YWHAE: variants seen among roughly 807,000 people sequenced by gnomAD.
YWHAE encodes tyrosine 3-monooxygenase/tryptophan 5-monooxygenase activation protein epsilon.
YWHAE carries 4 observed loss-of-function variants against 30.1 expected under a neutral mutation model. The ratio of observed to expected loss-of-function variants is 0.13; its 90% CI spans 0.07 to 0.30. The LOEUF (loss-of-function observed/expected upper bound fraction) is 0.30, where lower values mean the gene tolerates loss of function less well. Ranked by LOEUF, YWHAE falls within the 10% of genes least tolerant of loss-of-function variation. The pLI, the probability that YWHAE is intolerant of heterozygous loss-of-function variation, is 1.00. For synonymous variants in YWHAE, 118 were observed against 111.8 expected, an observed-to-expected ratio of 1.06 and a Z score of -0.35; for missense variants, 121 against 315.9, an observed-to-expected ratio of 0.38 and a Z score of 4.68.
rs1302770026 is a variant in YWHAE, at chr17:1,384,786, A to G, written c.64+15261T>C. On this transcript the variant is annotated intron_variant, in intron 1 of 5. Coordinates refer to ENST00000264335, the MANE Select transcript of YWHAE (RefSeq NM_006761.5). ...AATGGCGCTATCTCGGCTCACTGCA[A>G]CCTCCGCCTCCCGGGTTCAAGAGAT... Among the ~76,000 whole-genome samples the G allele has an allele frequency of 7.9e-5, 12 of 151,716 alleles. No homozygotes were observed. In the East Asian group the frequency reaches 2.4e-3, roughly 30 times the overall value.
At chr17:1,378,019 A>T (rs2073150153) in intron 1 of YWHAE, among the ~76,000 whole-genome samples, 1 of 152,278 alleles carries the variant, frequency 6.6e-6, no homozygotes, top group South Asian at 2.1e-4. Context: ...ACTGCACTCC[A>T]GCCTGGGCAA....
intron 1 of YWHAE, among the ~76,000 whole-genome samples, chr17:1,375,554 T>C (rs2073109117): frequency 6.6e-6 from 1 of 152,226 alleles, no homozygotes; most frequent in Non-Finnish European, 1.5e-5. Flanking sequence ...TTTGCTACAG[T>C]AATTTTGAGT....
rs1206641564 is a variant in YWHAE at position 1,344,547 on chromosome 17, T to G, written c.*900A>C. The G allele has an allele frequency of 4.7e-6, 1 of 211,970 alleles. No individual in the cohort carries two copies. The highest frequency in any genetic ancestry group is 9.6e-6 in the Non-Finnish European group (1 of 104,408). 13.1% of individuals were successfully genotyped at this position (211,970 alleles called of 1,614,324 possible). A position where few individuals can be genotyped will look rare whatever the true frequency, so the allele number is the denominator to read the frequency against. On this transcript the variant is annotated 3_prime_UTR_variant, in exon 6 of 6. Transcript: ENST00000264335. ...AGGATGGAGGCGCGATATTTGGCAT[T>G]TTTAATTTAGGTTTGTTTTATTTAA...
intron 1 of YWHAE, among the ~76,000 whole-genome samples, chr17:1,392,206 GA>G (rs1291736287): frequency 6.6e-6 from 1 of 151,754 alleles, no homozygotes; most frequent in Non-Finnish European, 1.5e-5. Context: ...AAAAGAAAAA[GA>G]AAAAAAAGTT....
intron 4 of YWHAE, among the ~76,000 whole-genome samples, chr17:1,357,145 T>A (rs2072761631): frequency 6.6e-6 from 1 of 152,028 alleles, no homozygotes; most frequent in Non-Finnish European, 1.5e-5. Flanking sequence ...GGCTCACACC[T>A]GTAATCCCAG....
intron 1 of YWHAE, among the ~76,000 whole-genome samples, chr17:1,371,089 T>A (rs1327359684): frequency 6.6e-6 from 1 of 151,832 alleles, no homozygotes; most frequent in Admixed American, 6.6e-5. Context: ...TGTGTGGTAG[T>A]GTGTGTGTGT....
At chr17:1,359,812 TTGTG>T (rs59650315) in intron 4 of YWHAE, among the ~76,000 whole-genome samples, 10,467 of 130,546 alleles carry the variant, frequency 0.08, 453 homozygotes, top group African/African-American at 0.1. Flanking sequence ...CACTAAATTG[TTGTG>T]TGTGTGTGTG....
At chr17:1,364,778 T>C (rs2072918639) in intron 2 of YWHAE, 81 bp downstream of exon 2, 1 of 1,493,202 alleles carries the variant, frequency 6.7e-7, no homozygotes, top group South Asian at 1.2e-5. Context: ...GTAGTCTCCT[T>C]TTCTCTCAAA....
chr17:1,352,216 T>G (rs2072646586), intron 5 of YWHAE: 1 of 152,228 alleles, frequency 6.6e-6, no homozygotes, highest in Admixed American at 6.5e-5. Flanking sequence ...CTGTTGCAAG[T>G]GTGTAAGTAA....
intron 1 of YWHAE, among the ~76,000 whole-genome samples, chr17:1,394,953 C>G (rs1403654271): frequency 1.3e-5 from 2 of 152,092 alleles, no homozygotes; most frequent in Admixed American, 1.3e-4. Flanking sequence ...GGTGACAGAG[C>G]AAGACTGTCT....
At chr17:1,368,949 A>G (rs2072988736) in intron 1 of YWHAE, among the ~76,000 whole-genome samples, 2 of 152,236 alleles carry the variant, frequency 1.3e-5, no homozygotes, top group Admixed American at 1.3e-4. Context: ...ATCATTCCTT[A>G]TGATTTAATT....
intron 1 of YWHAE, among the ~76,000 whole-genome samples, chr17:1,377,677 C>T (rs975331536): frequency 2.9e-4 from 44 of 152,240 alleles, no homozygotes; most frequent in African/African-American, 1.0e-3. Context: ...TATATAAAGG[C>T]TAATCAATTA....
In YWHAE at chr17:1,364,985, A is replaced by T; in HGVS notation, c.138T>A (p.Ser46=). The change falls in exon 2 of 6, where the codon TCT becomes TCA. Residue 46 remains serine (S), a synonymous_variant. Transcript: ENST00000264335. ...ELTVEERNLL[S]VAYKNVIGAR... ...CTCCAATCACATTCTTATATGCAAC[A>T]GATAGGAGGTTTCTTTCTTCAACTG... The T allele has an allele frequency of 6.2e-7, 1 of 1,614,162 alleles. No homozygotes were observed. The highest frequency in any genetic ancestry group is 8.5e-7 in the Non-Finnish European group (1 of 1,180,028).
chr17:1,384,528 A>G (rs1387566768), intron 1 of YWHAE, among the ~76,000 whole-genome samples: 1 of 70,574 alleles, frequency 1.4e-5, no homozygotes, highest in Non-Finnish European at 2.5e-5. Context: ...TGTCTCTACT[A>G]AAAATACAAA....
At chr17:1,351,123 G>A (rs1374765990) in intron 5 of YWHAE, among the ~76,000 whole-genome samples, 1 of 151,964 alleles carries the variant, frequency 6.6e-6, no homozygotes, top group Non-Finnish European at 1.5e-5. Flanking sequence ...CGCTTTGGGA[G>A]GCCGAGATGG....
intron 1 of YWHAE, among the ~76,000 whole-genome samples, chr17:1,398,334 T>TTC (rs1555648139): frequency 9.9e-6 from 1 of 100,882 alleles, no homozygotes; most frequent in Non-Finnish European, 1.9e-5. Flanking sequence ...CCCCATCTTA[T>TTC]CCCCCCCCCC....
At chr17:1,377,169 C>T (rs2073139152) in intron 1 of YWHAE, among the ~76,000 whole-genome samples, 1 of 152,074 alleles carries the variant, frequency 6.6e-6, no homozygotes, top group African/African-American at 2.4e-5. Flanking sequence ...CTGCCTCGGC[C>T]TCCCTAGGTG....
At chr17:1,359,868 T>C (rs1233631570) in intron 4 of YWHAE, among the ~76,000 whole-genome samples, 4 of 124,346 alleles carry the variant, frequency 3.2e-5, no homozygotes, top group African/African-American at 6.1e-5. Context: ...AAGTCTCGCT[T>C]TGTCGCCCAG....
chr17:1,367,624 C>A (rs989938910), intron 1 of YWHAE, among the ~76,000 whole-genome samples: 1 of 152,056 alleles, frequency 6.6e-6, no homozygotes, highest in Non-Finnish European at 1.5e-5. Flanking sequence ...TGTACTCCAG[C>A]TTGGATGACA....
Sources: gnomAD v4.1 joint callset for allele counts (sites outside exome capture counted in the v4.1 genomes callset) on GRCh38, gnomAD v4.1.1 for gene constraint, MANE v1.5 for transcripts, NCBI Gene and HGNC (gene_info 2026-07-23, HGNC 2026-07-21) for gene names.